ANKS1B: variants seen among roughly 807,000 people sequenced by gnomAD.
ANKS1B encodes ankyrin repeat and sterile alpha motif domain containing 1B, also known as ankyrin repeat and sterile alpha motif domain-containing protein 1B.
Under a neutral mutation model 148.3 loss-of-function variants are expected in ANKS1B, and 36 were observed. The ratio of observed to expected loss-of-function variants is 0.24; its 90% CI spans 0.19 to 0.32. The LOEUF is 0.32. ANKS1B is among the 10% of genes least tolerant of loss of function. The probability of loss-of-function intolerance (pLI) is 1.00; values close to 1 mark genes in which losing one functional copy is unlikely to be tolerated. For missense variants in ANKS1B, 1,157 were observed against 1,542.6 expected, an observed-to-expected ratio of 0.75 and a Z score of 4.19; for synonymous variants, 542 against 560.8, an observed-to-expected ratio of 0.97 and a Z score of 0.47.
At chr12:99,845,840 ACTGTGTGGTC>A (rs2086581583) in intron 1 of ANKS1B, among the ~76,000 whole-genome samples, 1 of 151,970 alleles carries the variant, frequency 6.6e-6, no homozygotes, top group African/African-American at 2.4e-5. Flanking sequence ...CAGATGTGAA[ACTGTGTGGTC>A]CTGGGTTTTG....
intron 17 of ANKS1B, among the ~76,000 whole-genome samples, chr12:98,865,405 A>G (rs80244866): frequency 0.024 from 3,579 of 152,200 alleles, 137 homozygotes; most frequent in African/African-American, 0.081. Flanking sequence ...TCCATCACCC[A>G]TCCAGTTATT....
intron 14 of ANKS1B, among the ~76,000 whole-genome samples, chr12:99,178,718 A>G (rs1491003084): frequency 2.6e-5 from 4 of 152,210 alleles, no homozygotes; most frequent in African/African-American, 9.7e-5. Flanking sequence ...ATAACTTTAT[A>G]TGCATAATTT....
At chr12:98,951,462 C>A (rs1015055051) in intron 17 of ANKS1B, among the ~76,000 whole-genome samples, 5 of 152,184 alleles carry the variant, frequency 3.3e-5, no homozygotes, top group Admixed American at 3.3e-4. Flanking sequence ...CTTTGCTAAA[C>A]CATCTTCAGC....
chr12:98,777,473 G>A (rs992527093), intron 24 of ANKS1B, among the ~76,000 whole-genome samples: 18 of 152,064 alleles, frequency 1.2e-4, no homozygotes, highest in Admixed American at 1.3e-4. Context: ...TGTAGAAACC[G>A]TGTCTCCTCT....
At chr12:99,317,127 CT>C (rs1253783482) in intron 12 of ANKS1B, among the ~76,000 whole-genome samples, 1 of 152,096 alleles carries the variant, frequency 6.6e-6, no homozygotes, top group Non-Finnish European at 1.5e-5. Flanking sequence ...GTTCTTTTTG[CT>C]TAGGATTGTC....
intron 1 of ANKS1B, among the ~76,000 whole-genome samples, chr12:99,914,850 C>T (rs1383115623): frequency 6.6e-6 from 1 of 152,220 alleles, no homozygotes; most frequent in South Asian, 2.1e-4. Context: ...AAAGGACATA[C>T]CTGACGGGGG....
At chr12:99,794,984 A>G (rs749783193) in intron 4 of ANKS1B, among the ~76,000 whole-genome samples, 1 of 151,944 alleles carries the variant, frequency 6.6e-6, no homozygotes, top group Non-Finnish European at 1.5e-5. Flanking sequence ...AAAATTTTAC[A>G]TTTAAAATTT....
At chr12:99,048,680 C>T (rs1360076308) in intron 17 of ANKS1B, 1 of 152,630 alleles carries the variant, frequency 6.6e-6, no homozygotes, top group Non-Finnish European at 1.5e-5. Flanking sequence ...AGCCCATCAC[C>T]ACCCTCCAGA....
At chr12:98,782,689 C>T (rs558828200) in intron 22 of ANKS1B, among the ~76,000 whole-genome samples, 28 of 152,216 alleles carry the variant, frequency 1.8e-4, no homozygotes, top group South Asian at 4.2e-4. Context: ...AGAGTTACTA[C>T]GCCTGTTTCA....
At chr12:98,964,053 G>A (rs535359830) in intron 17 of ANKS1B, among the ~76,000 whole-genome samples, 7 of 151,982 alleles carry the variant, frequency 4.6e-5, no homozygotes, top group Admixed American at 6.6e-5. Flanking sequence ...AGTCGAGATC[G>A]TGCCATTGCA....
intron 20 of ANKS1B, among the ~76,000 whole-genome samples, chr12:98,807,323 G>A (rs1458465740): frequency 3.3e-5 from 5 of 152,018 alleles, no homozygotes; most frequent in East Asian, 1.9e-4. Flanking sequence ...AGCTGTAACC[G>A]TGCCTCTCCC....
intron 9 of ANKS1B, among the ~76,000 whole-genome samples, chr12:99,576,498 A>G (rs1256230255): frequency 6.6e-6 from 1 of 152,146 alleles, no homozygotes; most frequent in East Asian, 1.9e-4. Flanking sequence ...AGCAATTCTC[A>G]GCAAATTCAA....
intron 19 of ANKS1B, among the ~76,000 whole-genome samples, chr12:98,823,874 A>G (rs979963390): frequency 3.9e-5 from 6 of 152,214 alleles, no homozygotes; most frequent in Non-Finnish European, 5.9e-5. Context: ...CAGTAATGCC[A>G]GAGCAGTGGG....
intron 12 of ANKS1B, among the ~76,000 whole-genome samples, chr12:99,266,658 G>A (rs1452267908): frequency 1.3e-5 from 2 of 152,024 alleles, no homozygotes; most frequent in African/African-American, 4.8e-5. Flanking sequence ...ATCACACAGT[G>A]GGTTATTTAA....
intron 1 of ANKS1B, among the ~76,000 whole-genome samples, chr12:99,981,555 G>A (rs1258196371): frequency 6.6e-6 from 1 of 151,920 alleles, no homozygotes; most frequent in African/African-American, 2.4e-5. Context: ...GTCTAAATTG[G>A]CCACATACCT....
chr12:99,564,050 G>A (rs1368389109), intron 9 of ANKS1B, among the ~76,000 whole-genome samples: 1 of 152,074 alleles, frequency 6.6e-6, no homozygotes, highest in Non-Finnish European at 1.5e-5. Flanking sequence ...CGGTTCTCTA[G>A]AGATGAAAAT....
rs145776258 is a variant in ANKS1B at position 98,875,517 on chromosome 12, T to C, written c.2779-43381A>G. 2.2e-4 allele frequency among the ~76,000 whole-genome samples: 34 copies of C among 152,320 alleles called. No homozygotes were observed. In the East Asian group the frequency reaches 6.0e-3, roughly 27 times the overall value. ...CAGCTCTGTTGTCTGTTTGCCTGTCTACCCCTCCTTGCTTCCTCCTTCAGG... is the reference window on the plus strand; with the variant it reads ...CAGCTCTGTTGTCTGTTTGCCTGTCCACCCCTCCTTGCTTCCTCCTTCAGG... On this transcript the variant is annotated intron_variant, in intron 17 of 26. Transcript: ENST00000683438.
intron 1 of ANKS1B, among the ~76,000 whole-genome samples, chr12:99,912,776 T>C (rs1371311985): frequency 1.3e-5 from 2 of 152,194 alleles, no homozygotes; most frequent in South Asian, 2.1e-4. Flanking sequence ...ATTATATCTA[T>C]ACCTAATGTC....
chr12:99,348,778 G>T (rs1218754252), intron 12 of ANKS1B, among the ~76,000 whole-genome samples: 1 of 151,894 alleles, frequency 6.6e-6, no homozygotes, highest in Admixed American at 6.6e-5. Flanking sequence ...GACTGGTACT[G>T]TAAGAAATGT....
Sources: gnomAD v4.1 joint callset for allele counts (sites outside exome capture counted in the v4.1 genomes callset) on GRCh38, gnomAD v4.1.1 for gene constraint, MANE v1.5 for transcripts, NCBI Gene and HGNC (gene_info 2026-07-23, HGNC 2026-07-21) for gene names.